SFMBT1: variants seen among roughly 807,000 people sequenced by gnomAD.
The protein encoded by SFMBT1 is Scm like with four mbt domains 1, also known as scm-like with four MBT domains protein 1.
In SFMBT1, 32 loss-of-function variants were observed where a neutral mutation model predicts 108.7. That is an observed-to-expected ratio of 0.29 (90% CI 0.22 to 0.40). The LOEUF (loss-of-function observed/expected upper bound fraction) is 0.40. SFMBT1 is among the 10% of genes least tolerant of loss of function. The pLI is 1.00. For synonymous variants in SFMBT1, 348 were observed against 369.5 expected, an observed-to-expected ratio of 0.94 and a Z score of 0.67; for missense variants, 816 against 1,059.6, an observed-to-expected ratio of 0.77 and a Z score of 3.19.
intron 17 of SFMBT1, among the ~76,000 whole-genome samples, chr3:52,908,304 C>T (rs1702128217): frequency 6.6e-6 from 1 of 151,980 alleles, no homozygotes; most frequent in Non-Finnish European, 1.5e-5. Flanking sequence ...AATCTCTTGA[C>T]CTCATGATCT....
intron 16 of SFMBT1, 140 bp from the exon 17 acceptor site, chr3:52,911,318 C>G: frequency 1.4e-6 from 1 of 729,214 alleles, no homozygotes; most frequent in Non-Finnish European, 2.1e-6. Flanking sequence ...GCCCTGAAAA[C>G]AACAAGGAAG....
chr3:52,925,448 A>G (rs914063473), intron 10 of SFMBT1, among the ~76,000 whole-genome samples: 1 of 152,256 alleles, frequency 6.6e-6, no homozygotes, highest in Non-Finnish European at 1.5e-5. Flanking sequence ...ATTTGTTTTA[A>G]TAAAGTCAAA....
chr3:53,004,254 T>TTCTC (rs765353610), intron 1 of SFMBT1, among the ~76,000 whole-genome samples: 1 of 69,768 alleles, frequency 1.4e-5, no homozygotes, highest in East Asian at 7.7e-4. Context: ...TCTTTCTTCT[T>TTCTC]TCTCTCTCTC....
At chr3:53,024,385 C>G (rs1199814766) in intron 1 of SFMBT1, among the ~76,000 whole-genome samples, 1 of 152,172 alleles carries the variant, frequency 6.6e-6, no homozygotes, top group Non-Finnish European at 1.5e-5. Flanking sequence ...TCCAAGAGTC[C>G]TAAGGAGGAA....
At chr3:52,978,016 A>T (rs1462953281) in intron 1 of SFMBT1, among the ~76,000 whole-genome samples, 2 of 151,390 alleles carry the variant, frequency 1.3e-5, no homozygotes, top group Non-Finnish European at 2.9e-5. Flanking sequence ...ATAAAAAAAA[A>T]TTAGAGATAT....
chr3:53,020,958 C>A (rs1466741856), intron 1 of SFMBT1, among the ~76,000 whole-genome samples: 1 of 151,982 alleles, frequency 6.6e-6, no homozygotes, highest in Non-Finnish European at 1.5e-5. Flanking sequence ...CATGAGAGGC[C>A]GAGGCAGGAG....
chr3:52,991,702 G>A (rs184836803), intron 1 of SFMBT1, among the ~76,000 whole-genome samples: 91 of 152,206 alleles, frequency 6.0e-4, no homozygotes, highest in Middle Eastern at 6.8e-3. Context: ...CTTTCAGGAA[G>A]CGATTGGATC....
chr3:52,911,409 A>C (rs1334027634), intron 16 of SFMBT1, among the ~76,000 whole-genome samples: 2 of 152,242 alleles, frequency 1.3e-5, no homozygotes, highest in Admixed American at 6.5e-5. Flanking sequence ...TAGCAAAATT[A>C]AGCTCCTGCT....
intron 17 of SFMBT1, among the ~76,000 whole-genome samples, chr3:52,908,824 G>A (rs1226074498): frequency 6.6e-6 from 1 of 152,132 alleles, no homozygotes; most frequent in Non-Finnish European, 1.5e-5. Flanking sequence ...GCCTGCCTCG[G>A]CCTCCCAAAG....
At chr3:52,967,939 A>C (rs1007869372) in intron 2 of SFMBT1, among the ~76,000 whole-genome samples, 1 of 152,248 alleles carries the variant, frequency 6.6e-6, no homozygotes, top group African/African-American at 2.4e-5. Context: ...AATATGATCT[A>C]GTGATTGTGC....
intron 12 of SFMBT1, among the ~76,000 whole-genome samples, chr3:52,918,841 A>G (rs572093810): frequency 6.6e-6 from 1 of 152,208 alleles, no homozygotes; most frequent in Admixed American, 6.5e-5. Context: ...CTTACCTCAG[A>G]TCAGTGGTCC....
At chr3:52,923,361 T>C (rs1702570674) in intron 10 of SFMBT1, among the ~76,000 whole-genome samples, 1 of 152,084 alleles carries the variant, frequency 6.6e-6, no homozygotes, top group Admixed American at 6.6e-5. Flanking sequence ...AGGTCAGGAA[T>C]TCAACAGAAG....
At chr3:53,042,603 A>G (rs1456961833) in intron 1 of SFMBT1, among the ~76,000 whole-genome samples, 1 of 152,210 alleles carries the variant, frequency 6.6e-6, no homozygotes, top group Non-Finnish European at 1.5e-5. Context: ...CTAGCCTCCC[A>G]AAGTGCTGGG....
rs139077857 is a variant in SFMBT1, at chr3:52,969,357, C to T, written c.-130-99G>A. On this transcript the variant is annotated intron_variant, in intron 1 of 20. Coordinates refer to ENST00000394752, the MANE Select transcript of SFMBT1 (RefSeq NM_016329.4). ...CGACTGGTTGAGAGATGACATAAGA[C>T]AAAAACATACTGGCAGAATAGATAG... 4 of 1,208,450 alleles carry T rather than the reference C, an allele frequency of 3.3e-6. No homozygotes were observed. In the East Asian group the frequency reaches 1.1e-4, roughly 34 times the overall value. The allele number at this position is 1,208,450 out of a possible 1,614,324, so 74.9% of individuals were successfully genotyped here. A position where few individuals can be genotyped will look rare whatever the true frequency, so the allele number is the denominator to read the frequency against.
chr3:53,026,804 TTTC>T (rs1340164096), intron 1 of SFMBT1, among the ~76,000 whole-genome samples: 1 of 152,188 alleles, frequency 6.6e-6, no homozygotes, highest in Non-Finnish European at 1.5e-5. Context: ...AGGGATTTTT[TTTC>T]TTCCTTTAGA....
In SFMBT1 at chr3:52,992,776, C is replaced by A. The variant is rs189190019; in HGVS notation, c.-130-23518G>T. Among the ~76,000 whole-genome samples, 8 of 152,332 alleles carry A rather than the reference C, an allele frequency of 5.3e-5. No individual in the cohort carries two copies. The East Asian group carries it at 9.6e-4, about 18-fold the overall frequency. ...ATACATTCCCATGCAAAATTCAATT[C>A]TCTCTCTTCAAAACTACCACAGCAT... On this transcript the variant is annotated intron_variant, in intron 1 of 20. Transcript: ENST00000394752.
chr3:52,918,061 C>T (rs750294888), intron 13 of SFMBT1, among the ~76,000 whole-genome samples: 2 of 152,178 alleles, frequency 1.3e-5, no homozygotes, highest in East Asian at 1.9e-4. Flanking sequence ...ATGTTACAAA[C>T]GAAGAATTTC....
At chr3:53,014,168 C>T (rs1402661942) in intron 1 of SFMBT1, among the ~76,000 whole-genome samples, 5 of 152,284 alleles carry the variant, frequency 3.3e-5, no homozygotes, top group South Asian at 4.1e-4. Flanking sequence ...GCCAACACAC[C>T]GAGCTGCCTG....
chr3:52,986,623 T>C (rs1238880892), intron 1 of SFMBT1, among the ~76,000 whole-genome samples: 2 of 151,016 alleles, frequency 1.3e-5, no homozygotes, highest in African/African-American at 4.9e-5. Context: ...AAAAAAAAAC[T>C]TAGTCGGGCA....
Sources: gnomAD v4.1 joint callset for allele counts (sites outside exome capture counted in the v4.1 genomes callset) on GRCh38, gnomAD v4.1.1 for gene constraint, MANE v1.5 for transcripts, NCBI Gene and HGNC (gene_info 2026-07-23, HGNC 2026-07-21) for gene names.